Variants in TRIOBP observed in about 807,000 individuals in gnomAD.
TRIOBP encodes the protein TRIO and F-actin-binding protein.
In TRIOBP, 169 loss-of-function variants were observed where a neutral mutation model predicts 238.8. The observed-to-expected ratio is 0.71, with a 90% CI of 0.62 to 0.80. The LOEUF (loss-of-function observed/expected upper bound fraction) is 0.80. Ranked by LOEUF, TRIOBP falls within the 30% of genes least tolerant of loss-of-function variation. The pLI is 0.00. For synonymous variants in TRIOBP, 1,150 were observed against 1,274.4 expected, an observed-to-expected ratio of 0.90 and a Z score of 2.08; for missense variants, 2,838 against 3,122.6, an observed-to-expected ratio of 0.91 and a Z score of 2.17.
At chr22:37,704,295 A>G (rs1341184638) in intron 3 of TRIOBP, among the ~76,000 whole-genome samples, 1 of 152,162 alleles carries the variant, frequency 6.6e-6, no homozygotes, top group Non-Finnish European at 1.5e-5. Context: ...AGGTGGGAGA[A>G]TCACCTGAGA....
intron 3 of TRIOBP, among the ~76,000 whole-genome samples, 174 bp downstream of exon 3, chr22:37,701,653 A>G (rs1331192210): frequency 5.9e-5 from 9 of 152,192 alleles, no homozygotes; most frequent in Non-Finnish European, 1.3e-4. Flanking sequence ...ATGTTTCACA[A>G]TCTTCAGTCA....
chr22:37,773,445 C>G (rs551409242), intron 23 of TRIOBP, among the ~76,000 whole-genome samples: 89 of 152,268 alleles, frequency 5.8e-4, no homozygotes, highest in African/African-American at 2.1e-3. Context: ...GTCTCGAACT[C>G]CTGGGCTCAA....
chr22:37,715,235 G>A (rs941510604), intron 5 of TRIOBP, among the ~76,000 whole-genome samples: 2 of 152,206 alleles, frequency 1.3e-5, no homozygotes, highest in Middle Eastern at 3.4e-3. Context: ...GGCTGGTTTC[G>A]AACTCCTGCC....
At position 37,710,368 on chromosome 22, in the gene TRIOBP, G is replaced by T. The variant is rs1312224370; in HGVS notation, c.115-59G>T. The T allele has an allele frequency of 2.5e-6, 4 of 1,606,798 alleles. No individual in the cohort carries two copies. The African/African-American group carries it at 5.3e-5, about 21-fold the overall frequency. On this transcript the variant is annotated intron_variant, in intron 3 of 23. Transcript: ENST00000644935. ...CCACGCCACCGGGAGGGGCTGTGCAGGGGGAGGGGAGCCCCCACGTGGGCG... is the reference window on the plus strand; with the variant it reads ...CCACGCCACCGGGAGGGGCTGTGCATGGGGAGGGGAGCCCCCACGTGGGCG...
Position 37,734,519 on chromosome 22 carries a change from C to T in TRIOBP, c.4183C>T (p.Pro1395Ser), listed in dbSNP as rs958960762. ...GDRQLQGSPL[P>S]PRTSARTPER... The stretch of plus-strand genomic sequence containing the variant: ...TCGGCAGCTCCAGGGGTCCCCGCTG[C>T]CCCCCAGGACATCAGCCAGGACCCC... Residue 1395 changes from proline to serine, a missense_variant, in exon 9 of 24, where the codon CCC (proline) becomes TCC (serine). Pro to Ser is a moderately conservative substitution (Grantham distance 74). Around this residue, in one of 5 missense-constraint regions of TRIOBP, gnomAD observed 2,096 missense variants for 2,137.4 expected, o/e 0.98. Coordinates refer to ENST00000644935, the MANE Select transcript of TRIOBP (RefSeq NM_001039141.3). 1 of 1,604,882 alleles carries T rather than the reference C, an allele frequency of 6.2e-7. No individual in the cohort carries two copies. Among genetic ancestry groups the T allele is most frequent in the South Asian group, 1.1e-5 (1 of 89,822 alleles).
In TRIOBP at chr22:37,725,258, A is replaced by G; in HGVS notation, c.2702A>G (p.Asn901Ser). ...NPRNSSPHRT[N>S]KDIPWASFPL... ...AGGAATTCATCTCCCCATCGTACTA[A>G]CAAAGACATCCCCTGGGCCTCGTTT... Residue 901 changes from asparagine to serine, a missense_variant, in exon 7 of 24, where the codon AAC becomes AGC. Asn to Ser is a conservative substitution (Grantham distance 46, BLOSUM62 1). This residue lies in a region of TRIOBP where 2,096 missense variants were observed against 2,137.4 expected (regional missense o/e 0.98). Coordinates refer to ENST00000644935, the MANE Select transcript of TRIOBP (RefSeq NM_001039141.3). The G allele has an allele frequency of 6.2e-7, 1 of 1,613,988 alleles. No individual in the cohort carries two copies. The highest frequency in any genetic ancestry group is 8.5e-7 in the Non-Finnish European group (1 of 1,180,010).
At chr22:37,741,632 A>C (rs1465061973) in intron 11 of TRIOBP, among the ~76,000 whole-genome samples, 3 of 152,106 alleles carry the variant, frequency 2.0e-5, no homozygotes, top group Non-Finnish European at 4.4e-5. Context: ...TGACTCTCTT[A>C]CTCACCGCTG....
chr22:37,735,280 C>T lies in TRIOBP; in HGVS notation c.4944C>T (p.Ser1648=), dbSNP rs1400804036. Residue 1648 remains serine, a synonymous_variant, in exon 9 of 24, where the codon TCC becomes TCT. Transcript: ENST00000644935. The stretch of plus-strand genomic sequence containing the variant: ...ATGGACACAGCCCCGCACTGCAGTC[C>T]CAGAGCCCGGTCCAGCTGCCCAGCC... ...PVNGHSPALQ[S]QSPVQLPSPA... 1.2e-6 allele frequency: 2 copies of T among 1,609,612 alleles called. No homozygotes were observed. Among genetic ancestry groups the T allele is most frequent in the African/African-American group, 1.3e-5 (1 of 74,848 alleles).
At chr22:37,701,571 C>T (rs1466518888) in intron 3 of TRIOBP, 92 bp downstream of exon 3, 1 of 907,158 alleles carries the variant, frequency 1.1e-6, no homozygotes, top group Non-Finnish European at 1.8e-6. Flanking sequence ...GCAGTTGAAC[C>T]CAGATGCTGG....
chr22:37,727,253 T>G (rs1601634396), intron 7 of TRIOBP, among the ~76,000 whole-genome samples: 2 of 30,096 alleles, frequency 6.6e-5, no homozygotes, highest in African/African-American at 1.5e-4. Context: ...GACTCATGGG[T>G]TTTTTTTTTT....
Position 37,774,747 on chromosome 22 carries a change from C to A in TRIOBP, c.*967C>A, listed in dbSNP as rs55649555. 2,162 of 152,498 alleles carry A rather than the reference C, an allele frequency of 0.014. 26 individuals carry two copies. The highest frequency in any genetic ancestry group is 0.031 in the Middle Eastern group (9 of 294). The allele number at this position is 152,498 out of a possible 1,614,324, so 9.4% of individuals were successfully genotyped here. On this transcript the variant is annotated 3_prime_UTR_variant, in exon 24 of 24. Coordinates refer to ENST00000644935, the MANE Select transcript of TRIOBP (RefSeq NM_001039141.3). Reference sequence around the variant, plus strand: ...ATAGCAAGTCCAGTCCCACCCCAACCTACTGAACCAGCGTCTGCATTTTAA... The same window carrying A: ...ATAGCAAGTCCAGTCCCACCCCAACATACTGAACCAGCGTCTGCATTTTAA...
rs541980281 is a variant in TRIOBP at position 37,765,830 on chromosome 22, G to GA, written c.6472+13_6472+14insA. On this transcript the variant is annotated intron_variant, in intron 18 of 23. Transcript: ENST00000644935. ...GCCACGGCCTCAGGTATGGACCCTG[G>GA]GGGGGGCACAGTGGGCTGGGCTCTG... 4.6e-4 allele frequency: 724 copies of GA among 1,587,014 alleles called. No homozygotes were observed. Among genetic ancestry groups the GA allele is most frequent in the African/African-American group, 1.9e-3 (143 of 74,506 alleles).
intron 17 of TRIOBP, among the ~76,000 whole-genome samples, chr22:37,765,306 C>G (rs1454490560): frequency 6.6e-6 from 1 of 151,760 alleles, no homozygotes; most frequent in Non-Finnish European, 1.5e-5. Context: ...ACAAAAAAAC[C>G]ACAAAATTCC....
At chr22:37,743,969 T>C (rs1279494203) in intron 11 of TRIOBP, among the ~76,000 whole-genome samples, 1 of 150,202 alleles carries the variant, frequency 6.7e-6, no homozygotes, top group Non-Finnish European at 1.5e-5. Flanking sequence ...TGTCTTATCC[T>C]GGGAATTCCT....
rs776720591 is a variant in TRIOBP at position 37,755,099 on chromosome 22, A to G, written c.5488-2A>G. 5.0e-6 allele frequency: 8 copies of G among 1,613,482 alleles called. No homozygotes were observed. The highest frequency in any genetic ancestry group is 5.9e-6 in the Non-Finnish European group (7 of 1,179,814). ...GGACCATAGTGGGCCCTCTTGCTCC[A>G]GGCAGATGAGCTGGATGGTGAGATC... On this transcript the variant is annotated splice_acceptor_variant, in intron 13 of 23. Transcript: ENST00000644935. LOFTEE classifies it high-confidence loss of function.
intron 8 of TRIOBP, 84 bp from the exon 9 acceptor site, chr22:37,734,315 A>T: frequency 7.8e-7 from 1 of 1,289,794 alleles, no homozygotes; most frequent in Non-Finnish European, 1.1e-6. Context: ...CACAGCCTTG[A>T]CTCTCTGGGG....
intron 18 of TRIOBP, 98 bp from the exon 19 acceptor site, chr22:37,767,976 T>G (rs963968260): frequency 2.2e-6 from 2 of 907,850 alleles, no homozygotes; most frequent in Admixed American, 4.0e-5. Flanking sequence ...GGAGTCCACA[T>G]AGTACTCCAC....
At chr22:37,750,593 C>T (rs765755974) in intron 11 of TRIOBP, 8 of 469,484 alleles carry the variant, frequency 1.7e-5, no homozygotes, top group African/African-American at 1.6e-4. Flanking sequence ...CAAACGCAGC[C>T]CCAGGGGTTC....
At chr22:37,772,882 C>T (rs1272789714) in intron 23 of TRIOBP, 118 bp downstream of exon 23, 1 of 1,293,258 alleles carries the variant, frequency 7.7e-7, no homozygotes. Context: ...AATTCCCGTT[C>T]TGTAAAAAGG....
Sources: gnomAD v4.1 joint callset for allele counts (sites outside exome capture counted in the v4.1 genomes callset) on GRCh38, gnomAD v4.1.1 for gene constraint, gnomAD v4.1.1 regional missense constraint, MANE v1.5 for transcripts, NCBI Gene and HGNC (gene_info 2026-07-23, HGNC 2026-07-21) for gene names.